Variants in TDRD5 observed in about 807,000 individuals in gnomAD.
The protein encoded by TDRD5 is tudor domain-containing protein 5.
A neutral mutation model predicts 120.6 loss-of-function variants in TDRD5; 41 were observed. The ratio of observed to expected loss-of-function variants is 0.34; its 90% CI spans 0.26 to 0.44. The LOEUF is 0.44. Among genes scored for constraint, TDRD5 ranks in the 20% least tolerant of loss-of-function variants. The pLI is 1.00. For synonymous variants in TDRD5, 430 were observed against 433.7 expected (o/e 0.99, Z 0.11); for missense variants, 1,006 against 1,221.2 (o/e 0.82, Z 2.63).
At chr1:179,640,271 G>T (rs1015336947) in intron 10 of TDRD5, 108 bp from the exon 11 acceptor site, 1 of 1,267,646 alleles carries the variant, frequency 7.9e-7, no homozygotes, top group Non-Finnish European at 1.1e-6. Context: ...TGGACGATGA[G>T]ATTACGTTTT....
chr1:179,611,180 T>C (rs1050113762), intron 4 of TDRD5, among the ~76,000 whole-genome samples: 10 of 152,128 alleles, frequency 6.6e-5, no homozygotes, highest in Non-Finnish European at 1.3e-4. Flanking sequence ...GCCATCCAAG[T>C]AGCTGGAATT....
intron 7 of TDRD5, among the ~76,000 whole-genome samples, chr1:179,632,191 ACACCACT>A (rs1677494511): frequency 6.6e-6 from 1 of 151,840 alleles, no homozygotes; most frequent in Non-Finnish European, 1.5e-5. Context: ...CAGGCGTGAG[ACACCACT>A]CCCGGCCGTG....
At chr1:179,680,828 C>T (rs199794488) in intron 17 of TDRD5, among the ~76,000 whole-genome samples, 2 of 151,034 alleles carry the variant, frequency 1.3e-5, no homozygotes, top group South Asian at 4.2e-4. Context: ...TAAAAAAGAA[C>T]AAAACTACCA....
intron 16 of TDRD5, among the ~76,000 whole-genome samples, chr1:179,668,596 T>C (rs1679677311): frequency 6.6e-6 from 1 of 152,190 alleles, no homozygotes; most frequent in South Asian, 2.1e-4. Context: ...ACTTCTCTCG[T>C]GCCCTGCCCC....
At chr1:179,601,917 T>G (rs1675734853) in intron 4 of TDRD5, among the ~76,000 whole-genome samples, 1 of 152,230 alleles carries the variant, frequency 6.6e-6, no homozygotes, top group South Asian at 2.1e-4. Flanking sequence ...GCAGTTCTCC[T>G]GTCTCAGCCT....
At chr1:179,612,240 GA>G (rs1179259715) in intron 4 of TDRD5, among the ~76,000 whole-genome samples, 1 of 152,156 alleles carries the variant, frequency 6.6e-6, no homozygotes, top group Non-Finnish European at 1.5e-5. Context: ...ATGAGGATCA[GA>G]ATGTCTTCAC....
At chr1:179,599,988 C>T (rs1675620691) in intron 4 of TDRD5, among the ~76,000 whole-genome samples, 1 of 152,090 alleles carries the variant, frequency 6.6e-6, no homozygotes, top group Non-Finnish European at 1.5e-5. Flanking sequence ...TTTTACTGTA[C>T]TTTGTACCAT....
chr1:179,618,559 A>G lies in TDRD5; in HGVS notation c.832-40A>G, dbSNP rs753775106. 3.3e-6 allele frequency: 5 copies of G among 1,496,772 alleles called. No homozygotes were observed. In the South Asian group the frequency reaches 3.8e-5, roughly 11 times the overall value. The allele number at this position is 1,496,772 out of a possible 1,614,324, so 92.7% of individuals were successfully genotyped here. ...GATCTACCTTTGACTTTCTTTGGTC[A>G]GGGGGACTGTGACTTGACTTTTTTT... On this transcript the variant is annotated intron_variant, in intron 4 of 17. Transcript: ENST00000444136.
At chr1:179,642,357 C>T (rs1678100073) in intron 11 of TDRD5, among the ~76,000 whole-genome samples, 1 of 152,164 alleles carries the variant, frequency 6.6e-6, no homozygotes, top group Non-Finnish European at 1.5e-5. Context: ...ACCTCGGCCT[C>T]CCAAAGTGCT....
chr1:179,638,055 C>T (rs1015805098), intron 9 of TDRD5, among the ~76,000 whole-genome samples: 4 of 152,130 alleles, frequency 2.6e-5, no homozygotes, highest in East Asian at 1.9e-4. Flanking sequence ...AAGGAAGTGA[C>T]GTTAGCACCA....
intron 12 of TDRD5, among the ~76,000 whole-genome samples, chr1:179,651,504 T>C (rs1471054379): frequency 1.3e-5 from 2 of 152,042 alleles, no homozygotes; most frequent in Non-Finnish European, 2.9e-5. Flanking sequence ...GAAACTGTCC[T>C]AGAGAAGAAT....
In TDRD5 at chr1:179,683,164, C is replaced by T. The variant is rs12409943; in HGVS notation, c.2861-7532C>T. ...TGGATTCCTCCTTCTCATACTACAGCCTGAAAATTCTTTTCGGGCAGTGAG... is the reference window on the plus strand; with the variant it reads ...TGGATTCCTCCTTCTCATACTACAGTCTGAAAATTCTTTTCGGGCAGTGAG... On this transcript the variant is annotated intron_variant, in intron 17 of 17. Coordinates refer to ENST00000444136, the MANE Select transcript of TDRD5 (RefSeq NM_001199085.3). Among the ~76,000 whole-genome samples, 987 of 152,302 alleles carry T rather than the reference C, an allele frequency of 6.5e-3. 43 individuals are homozygous for T. The highest frequency in any genetic ancestry group is 0.058 in the Admixed American group (883 of 15,292).
At chr1:179,648,914 A>G (rs1361481857) in intron 11 of TDRD5, among the ~76,000 whole-genome samples, 2 of 152,210 alleles carry the variant, frequency 1.3e-5, no homozygotes, top group Admixed American at 6.5e-5. Flanking sequence ...AATGAGGGTC[A>G]GCTGGTAGCA....
upstream of TDRD5, chr1:179,591,666 GC>G (rs1391148378): frequency 1.3e-5 from 2 of 152,504 alleles, no homozygotes; most frequent in Non-Finnish European, 2.9e-5. Flanking sequence ...ATCCTGGAAG[GC>G]GGCCAGCCTC....
chr1:179,607,430 C>T (rs1453489309), intron 4 of TDRD5, among the ~76,000 whole-genome samples: 1 of 152,076 alleles, frequency 6.6e-6, no homozygotes, highest in Non-Finnish European at 1.5e-5. Context: ...TCTTGACTTA[C>T]TGCATTTGCT....
intron 5 of TDRD5, among the ~76,000 whole-genome samples, chr1:179,619,975 A>T (rs764590367): frequency 1.8e-4 from 28 of 152,224 alleles, no homozygotes; most frequent in Non-Finnish European, 3.7e-4. Flanking sequence ...TTATGTATCA[A>T]TATTGGATAT....
chr1:179,650,826 T>G (rs1223373813), intron 11 of TDRD5, 41 bp from the exon 12 acceptor site: 2 of 1,582,798 alleles, frequency 1.3e-6, no homozygotes, highest in Middle Eastern at 1.7e-4. Context: ...AATTCATGTT[T>G]AGATCTATCA....
intron 9 of TDRD5, among the ~76,000 whole-genome samples, chr1:179,639,073 T>C (rs1336495155): frequency 6.6e-6 from 1 of 152,198 alleles, no homozygotes; most frequent in African/African-American, 2.4e-5. Flanking sequence ...AGAGATAGAT[T>C]GAGAATTAAC....
intron 11 of TDRD5, among the ~76,000 whole-genome samples, chr1:179,644,826 CTATTTTGTT>C (rs2102039733): frequency 6.6e-6 from 1 of 151,444 alleles, no homozygotes; most frequent in African/African-American, 2.4e-5. Flanking sequence ...CATTTTTTTT[CTATTTTGTT>C]TATTTCTGTC....
Sources: gnomAD v4.1 joint callset for allele counts (sites outside exome capture counted in the v4.1 genomes callset) on GRCh38, gnomAD v4.1.1 for gene constraint, MANE v1.5 for transcripts, NCBI Gene and HGNC (gene_info 2026-07-23, HGNC 2026-07-21) for gene names.